GRID2: variants seen among roughly 807,000 people sequenced by gnomAD.
GRID2 encodes the protein glutamate receptor ionotropic, delta-2.
GRID2 carries 33 observed loss-of-function variants against 114.8 expected under a neutral mutation model. That is an observed-to-expected ratio of 0.29 (90% CI 0.22 to 0.38). GRID2 has a LOEUF of 0.38. GRID2 is among the 10% of genes least tolerant of loss of function. GRID2 has a pLI of 1.00. For missense variants in GRID2, 1,184 were observed against 1,257.7 expected (o/e 0.94, Z 0.89); for synonymous variants, 505 against 449.9 (o/e 1.12, Z -1.55).
intron 1 of GRID2, among the ~76,000 whole-genome samples, chr4:92,415,009 C>T (rs1731524961): frequency 6.6e-6 from 1 of 151,782 alleles, no homozygotes; most frequent in South Asian, 2.1e-4. Context: ...TGCTTTTCAC[C>T]CTGCCTTATT....
intron 2 of GRID2, among the ~76,000 whole-genome samples, chr4:92,927,403 A>T (rs72883980): frequency 0.14 from 20,504 of 151,840 alleles, 1,817 homozygotes; most frequent in African/African-American, 0.25. Flanking sequence ...CACAGGAATC[A>T]TAGCCAGTGT....
At chr4:93,403,303 T>C (rs1450697432) in intron 9 of GRID2, among the ~76,000 whole-genome samples, 8 of 152,124 alleles carry the variant, frequency 5.3e-5, no homozygotes, top group Non-Finnish European at 1.0e-4. Context: ...AGGATAGCAT[T>C]GTGGTTAAGA....
chr4:93,190,100 G>A (rs1479451228), intron 4 of GRID2, among the ~76,000 whole-genome samples: 1 of 151,640 alleles, frequency 6.6e-6, no homozygotes, highest in Admixed American at 6.6e-5. Context: ...AATGCCTAAT[G>A]GTTTCATTCT....
chr4:93,059,776 T>C (rs1193084376), intron 2 of GRID2, among the ~76,000 whole-genome samples: 1 of 151,966 alleles, frequency 6.6e-6, no homozygotes, highest in East Asian at 1.9e-4. Context: ...AGCTTTAAAC[T>C]TTCCTCACTG....
At chr4:93,273,765 T>C (rs1751757462) in intron 8 of GRID2, among the ~76,000 whole-genome samples, 1 of 152,074 alleles carries the variant, frequency 6.6e-6, no homozygotes, top group African/African-American at 2.4e-5. Context: ...TGTGGATGCC[T>C]TTACAAGGTG....
chr4:92,762,103 C>A (rs1738042967), intron 2 of GRID2, among the ~76,000 whole-genome samples: 3 of 151,960 alleles, frequency 2.0e-5, no homozygotes, highest in South Asian at 4.2e-4. Context: ...TTAGTGGAGA[C>A]AGGGTCTCAC....
At chr4:92,945,967 C>T (rs1751595932) in intron 2 of GRID2, among the ~76,000 whole-genome samples, 2 of 152,070 alleles carry the variant, frequency 1.3e-5, no homozygotes, top group Admixed American at 1.3e-4. Flanking sequence ...TTTTTACATG[C>T]CTTCCAGAAA....
chr4:92,314,631 G>A (rs184670407), intron 1 of GRID2, among the ~76,000 whole-genome samples: 22 of 152,160 alleles, frequency 1.4e-4, no homozygotes, highest in African/African-American at 4.6e-4. Context: ...ACCTCATGTG[G>A]TGGATGCACA....
intron 5 of GRID2, among the ~76,000 whole-genome samples, chr4:93,215,492 CAA>C (rs1477361206): frequency 6.6e-6 from 1 of 151,872 alleles, no homozygotes; most frequent in Non-Finnish European, 1.5e-5. Flanking sequence ...CTTTGACAGA[CAA>C]AGTTTTTGGT....
chr4:93,447,246 T>C (rs1405234138), intron 10 of GRID2, among the ~76,000 whole-genome samples: 1 of 151,994 alleles, frequency 6.6e-6, no homozygotes, highest in Admixed American at 6.6e-5. Flanking sequence ...ATCTTTAAAC[T>C]CTACTTAATT....
intron 2 of GRID2, among the ~76,000 whole-genome samples, chr4:92,886,721 G>A (rs999398155): frequency 2.6e-5 from 4 of 152,144 alleles, no homozygotes; most frequent in African/African-American, 7.2e-5. Context: ...TGCCTCCCAG[G>A]TTCATGCCAT....
At chr4:93,793,456 T>A (rs1027588640) in intron 1 of GRID2, among the ~76,000 whole-genome samples, 1 of 152,160 alleles carries the variant, frequency 6.6e-6, no homozygotes, top group African/African-American at 2.4e-5. Flanking sequence ...CTAAATCTGT[T>A]TTGTTAGGCA....
intron 1 of GRID2, among the ~76,000 whole-genome samples, chr4:92,490,689 C>G (rs1723106953): frequency 6.6e-6 from 1 of 152,090 alleles, no homozygotes; most frequent in Non-Finnish European, 1.5e-5. Flanking sequence ...TATGAAATCC[C>G]TTATTGAAAC....
At chr4:92,872,021 CTGTGTGTGTGTT>C (rs1745316690) in intron 2 of GRID2, among the ~76,000 whole-genome samples, 1 of 151,744 alleles carries the variant, frequency 6.6e-6, no homozygotes, top group African/African-American at 2.4e-5. Context: ...GAGTGTGTGT[CTGTGTGTGTGTT>C]TGTGCTTATT....
intron 1 of GRID2, among the ~76,000 whole-genome samples, chr4:92,369,654 T>C (rs1024295323): frequency 3.9e-5 from 6 of 152,150 alleles, no homozygotes; most frequent in Non-Finnish European, 7.3e-5. Context: ...TCAAAGCATA[T>C]GGTCTAGCAA....
intron 9 of GRID2, among the ~76,000 whole-genome samples, chr4:93,419,941 C>T (rs1580020075): frequency 6.6e-6 from 1 of 152,216 alleles, no homozygotes; most frequent in East Asian, 1.9e-4. Context: ...CCACATCTAT[C>T]ATTTACCTAT....
At chr4:92,998,009 T>C (rs1442024843) in intron 2 of GRID2, among the ~76,000 whole-genome samples, 1 of 152,096 alleles carries the variant, frequency 6.6e-6, no homozygotes, top group Non-Finnish European at 1.5e-5. Flanking sequence ...GCTATGGCTT[T>C]ATTTTCCCTT....
At chr4:92,855,563 G>A (rs955116160) in intron 2 of GRID2, among the ~76,000 whole-genome samples, 1 of 151,654 alleles carries the variant, frequency 6.6e-6, no homozygotes, top group Admixed American at 6.6e-5. Flanking sequence ...CCATTTTCCA[G>A]AAATAAAACA....
chr4:93,103,143 A>G (rs1321185167), intron 3 of GRID2, among the ~76,000 whole-genome samples: 17 of 152,040 alleles, frequency 1.1e-4, no homozygotes, highest in Admixed American at 1.1e-3. Flanking sequence ...ACCTCACCAA[A>G]GGACACACAG....
Sources: allele counts gnomAD v4.1 joint callset (sites outside exome capture counted in the v4.1 genomes callset), GRCh38; gene constraint gnomAD v4.1.1; transcripts MANE v1.5; gene names NCBI Gene and HGNC (gene_info 2026-07-23, HGNC 2026-07-21).